The following RNF13 variants were observed in gnomAD, a reference collection of about 807,000 sequenced individuals.
The protein encoded by RNF13 is ring finger protein 13.
RNF13 carries 19 observed loss-of-function variants against 37.7 expected under a neutral mutation model. That is an observed-to-expected ratio of 0.50 (90% CI 0.35 to 0.74). The LOEUF is 0.74. RNF13 is among the 30% of genes least tolerant of loss of function. The pLI, the probability that RNF13 is intolerant of heterozygous loss-of-function variation, is 0.01. For missense variants in RNF13, 375 were observed against 453.0 expected (o/e 0.83, Z 1.56); for synonymous variants, 144 against 157.8 (o/e 0.91, Z 0.65).
chr3:149,858,307 G>GT, intron 3 of RNF13, among the ~76,000 whole-genome samples: 1 of 152,288 alleles, frequency 6.6e-6, no homozygotes, highest in Non-Finnish European at 1.5e-5. Flanking sequence ...ATTTGTAATG[G>GT]TAGCAAGCAA....
intron 4 of RNF13, among the ~76,000 whole-genome samples, chr3:149,885,834 A>G (rs751204923): frequency 1.3e-4 from 20 of 152,270 alleles, no homozygotes; most frequent in Non-Finnish European, 7.4e-5. Flanking sequence ...ATTTTCCCCA[A>G]TGTTTTCTTG....
chr3:149,940,031 G>GGGTTAA (rs1479640595), intron 8 of RNF13, among the ~76,000 whole-genome samples: 1 of 152,026 alleles, frequency 6.6e-6, no homozygotes, highest in Non-Finnish European at 1.5e-5. Flanking sequence ...GAATGTAGTT[G>GGGTTAA]GGTTAATATC....
chr3:149,829,670 T>G (rs568906506), intron 1 of RNF13, among the ~76,000 whole-genome samples: 1 of 152,226 alleles, frequency 6.6e-6, no homozygotes, highest in African/African-American at 2.4e-5. Flanking sequence ...TTGTTGTTTT[T>G]GTTTTGTTTT....
intron 6 of RNF13, among the ~76,000 whole-genome samples, chr3:149,906,645 C>CTTT (rs35801459): frequency 3.0e-4 from 24 of 79,148 alleles, no homozygotes; most frequent in East Asian, 4.1e-4. Context: ...TTCAATTCTG[C>CTTT]TTTTTTTTTT....
intron 3 of RNF13, among the ~76,000 whole-genome samples, chr3:149,858,131 A>G (rs1362473742): frequency 6.6e-6 from 1 of 152,152 alleles, no homozygotes; most frequent in Non-Finnish European, 1.5e-5. Context: ...TCATGTTTTG[A>G]TGCAGCCCTC....
chr3:149,881,505 A>G (rs1009118567), intron 4 of RNF13, among the ~76,000 whole-genome samples: 1 of 151,888 alleles, frequency 6.6e-6, no homozygotes, highest in Non-Finnish European at 1.5e-5. Flanking sequence ...TAATTTTCAT[A>G]TTTTTAGTAG....
chr3:149,860,270 A>AAAAAATATAT (rs1302318768), intron 3 of RNF13, among the ~76,000 whole-genome samples: 2 of 104,096 alleles, frequency 1.9e-5, no homozygotes, highest in African/African-American at 4.2e-5. Context: ...AAAAAAAAAA[A>AAAAAATATAT]ATATATATAT....
intron 8 of RNF13, among the ~76,000 whole-genome samples, chr3:149,959,644 TTC>T (rs894832834): frequency 6.6e-6 from 1 of 152,152 alleles, no homozygotes. Context: ...CTCATTTCAA[TTC>T]TGTTTTTATT....
intron 8 of RNF13, 53 bp downstream of exon 8, chr3:149,921,280 T>C: frequency 1.3e-6 from 1 of 781,392 alleles, no homozygotes; most frequent in Non-Finnish European, 1.9e-6. Context: ...GACTGCAGGG[T>C]GACTATACTC....
At chr3:149,877,026 C>T (rs375736212) in intron 4 of RNF13, among the ~76,000 whole-genome samples, 4 of 152,062 alleles carry the variant, frequency 2.6e-5, no homozygotes, top group East Asian at 3.9e-4. Context: ...GTGATCCACC[C>T]GCCTCGGCCT....
At chr3:149,923,100 ATAGAACACT>A (rs1277414750) in intron 8 of RNF13, among the ~76,000 whole-genome samples, 1 of 152,172 alleles carries the variant, frequency 6.6e-6, no homozygotes, top group Non-Finnish European at 1.5e-5. Flanking sequence ...ACATTAAAAA[ATAGAACACT>A]TAACAAAAAA....
chr3:149,825,187 T>G (rs1297060436), intron 1 of RNF13, among the ~76,000 whole-genome samples: 1 of 151,192 alleles, frequency 6.6e-6, no homozygotes, highest in African/African-American at 2.4e-5. Context: ...CAACCCTTTT[T>G]TTTTTTTAAG....
intron 4 of RNF13, among the ~76,000 whole-genome samples, chr3:149,877,328 T>G (rs1712837240): frequency 6.6e-6 from 1 of 152,216 alleles, no homozygotes; most frequent in African/African-American, 2.4e-5. Context: ...CACTTAATGC[T>G]TTTGGCATTA....
chr3:149,919,151 G>C (rs1358874487), intron 7 of RNF13, among the ~76,000 whole-genome samples: 1 of 151,944 alleles, frequency 6.6e-6, no homozygotes, highest in African/African-American at 2.4e-5. Flanking sequence ...AAAAATTTAT[G>C]GAGGTATGAT....
intron 1 of RNF13, among the ~76,000 whole-genome samples, chr3:149,815,786 A>G (rs1434449017): frequency 1.3e-5 from 2 of 152,244 alleles, no homozygotes; most frequent in African/African-American, 2.4e-5. Context: ...ATCAACAACA[A>G]CAAAACAGTA....
chr3:149,930,832 C>T (rs1365869330), intron 8 of RNF13, among the ~76,000 whole-genome samples: 1 of 152,058 alleles, frequency 6.6e-6, no homozygotes, highest in Non-Finnish European at 1.5e-5. Context: ...CATCTGTTAC[C>T]AGATTTGTAG....
chr3:149,813,678 C>CAAGT (rs1719133603), intron 1 of RNF13: 1 of 152,196 alleles, frequency 6.6e-6, no homozygotes. Context: ...TTTTCTTGGT[C>CAAGT]AAGTACCTGC....
intron 6 of RNF13, among the ~76,000 whole-genome samples, chr3:149,909,453 T>G (rs1424764763): frequency 6.7e-6 from 1 of 148,656 alleles, no homozygotes; most frequent in African/African-American, 2.5e-5. Context: ...TTTTTTTTTT[T>G]TTTTTTTTTG....
At chr3:149,860,069 C>G (rs1724057289) in intron 3 of RNF13, among the ~76,000 whole-genome samples, 2 of 151,460 alleles carry the variant, frequency 1.3e-5, no homozygotes, top group African/African-American at 2.4e-5. Flanking sequence ...GAGTTCAAGA[C>G]CAGCCTGACC....
Sources: gnomAD v4.1 joint callset for allele counts (sites outside exome capture counted in the v4.1 genomes callset) on GRCh38, gnomAD v4.1.1 for gene constraint, MANE v1.5 for transcripts, NCBI Gene and HGNC (gene_info 2026-07-23, HGNC 2026-07-21) for gene names.